VPS13C: variants seen among roughly 807,000 people sequenced by gnomAD.
VPS13C encodes the protein vacuolar protein sorting 13 homolog C.
A neutral mutation model predicts 456.8 loss-of-function variants in VPS13C; 358 were observed. That is an observed-to-expected ratio of 0.78 (90% CI 0.72 to 0.86). The LOEUF (loss-of-function observed/expected upper bound fraction) is 0.86. VPS13C is among the 40% of genes least tolerant of loss of function. The pLI, the probability that VPS13C is intolerant of heterozygous loss-of-function variation, is 0.00. For missense variants in VPS13C, 4,818 were observed against 4,385.4 expected, an observed-to-expected ratio of 1.10 and a Z score of -2.79; for synonymous variants, 1,578 against 1,486.7, an observed-to-expected ratio of 1.06 and a Z score of -1.41.
chr15:61,998,307 T>C (rs12899197), intron 16 of VPS13C, among the ~76,000 whole-genome samples: 1 of 152,210 alleles, frequency 6.6e-6, no homozygotes, highest in African/African-American at 2.4e-5. Context: ...CTAGCTTCAG[T>C]GCTCCTTATA....
Position 61,907,385 on chromosome 15 carries a change from G to A in VPS13C, c.8984C>T (p.Ser2995Leu). ...WDILTYKQSG[S>L]PEEMVLLPRQ... ...TGGCAGCAAGACCATTTCTTCTGGT[G>A]ACCCACTAAAACACAATGAACAGAG... Residue 2995 changes from serine to leucine, a missense_variant, in exon 66 of 85, where the codon TCA becomes TTA. Around this residue, in one of 3 missense-constraint regions of VPS13C, gnomAD observed 4,552 missense variants for 4,130.6 expected, o/e 1.10. Transcript: ENST00000644861. 6.2e-7 allele frequency: 1 copy of A among 1,613,686 alleles called. No individual in the cohort carries two copies. Among genetic ancestry groups the A allele is most frequent in the Non-Finnish European group, 8.5e-7 (1 of 1,179,752 alleles).
At chr15:61,950,672 C>T (rs1407217403) in intron 40 of VPS13C, among the ~76,000 whole-genome samples, 1 of 151,578 alleles carries the variant, frequency 6.6e-6, no homozygotes, top group South Asian at 2.1e-4. Flanking sequence ...AGATTAGGTA[C>T]ACTAATCTAA....
intron 7 of VPS13C, 84 bp downstream of exon 7, chr15:62,023,696 C>A: frequency 7.4e-7 from 1 of 1,347,356 alleles, no homozygotes; most frequent in Non-Finnish European, 1.0e-6. Context: ...ATACTGTTAT[C>A]TGACATTCAT....
At chr15:62,055,776 C>T (rs2048772960) in intron 1 of VPS13C, among the ~76,000 whole-genome samples, 1 of 152,170 alleles carries the variant, frequency 6.6e-6, no homozygotes, top group African/African-American at 2.4e-5. Flanking sequence ...TCTACTTCTT[C>T]CGTGTCCTTT....
rs79267487 is a variant in VPS13C, at chr15:61,865,640, G to T, written c.10864-2112C>A. ...TGTATGTGTACATATGGGTATATTTGTATGTGTGTATATATATGTATGTGT... is the reference window on the plus strand; with the variant it reads ...TGTATGTGTACATATGGGTATATTTTTATGTGTGTATATATATGTATGTGT... On this transcript the variant is annotated intron_variant, in intron 81 of 84. Transcript: ENST00000644861. The T allele has an allele frequency of 9.3e-3, 3,719 of 400,948 alleles. 25 individuals carry two copies. The highest frequency in any genetic ancestry group is 0.011 in the Non-Finnish European group (3,393 of 296,556). The allele number at this position is 400,948 out of a possible 1,614,324, so 24.8% of individuals were successfully genotyped here.
intron 17 of VPS13C, 125 bp from the exon 18 acceptor site, chr15:61,991,219 G>C: frequency 1.4e-6 from 1 of 697,934 alleles, no homozygotes; most frequent in South Asian, 1.9e-5. Flanking sequence ...AATTAGCCAG[G>C]TAATATCCTC....
chr15:61,976,549 T>TG (rs2045708330), intron 24 of VPS13C, among the ~76,000 whole-genome samples: 1 of 151,868 alleles, frequency 6.6e-6, no homozygotes, highest in Admixed American at 6.6e-5. Context: ...CTTTTGGAGA[T>TG]GGTGTGTTCA....
intron 18 of VPS13C, among the ~76,000 whole-genome samples, chr15:61,988,336 T>G (rs1596434003): frequency 6.6e-6 from 1 of 152,176 alleles, no homozygotes; most frequent in Non-Finnish European, 1.5e-5. Flanking sequence ...TCTGTGCACT[T>G]TATTGTATGT....
chr15:61,991,885 G>C, intron 16 of VPS13C, 83 bp from the exon 17 acceptor site: 6 of 1,415,976 alleles, frequency 4.2e-6, no homozygotes, highest in Non-Finnish European at 5.7e-6. Flanking sequence ...AAAAACAATG[G>C]TTCTTTTTTT....
In VPS13C at chr15:61,961,900, A is replaced by G; in HGVS notation, c.3604-7T>C. 2 of 1,601,004 alleles carry G rather than the reference A, an allele frequency of 1.2e-6. No individual in the cohort carries two copies. The highest frequency in any genetic ancestry group is 1.7e-6 in the Non-Finnish European group (2 of 1,174,744). The stretch of plus-strand genomic sequence containing the variant: ...GGAAATTATTCAGGAAGTTCTGTGG[A>G]CACAAAGCATAAAAAGAGAAATTCA... On this transcript the variant is annotated splice_polypyrimidine_tract_variant and splice_region_variant and intron_variant, in intron 34 of 84. Transcript: ENST00000644861.
chr15:61,920,674 T>C (rs1244262920), intron 55 of VPS13C, 27 bp from the exon 56 acceptor site: 4 of 1,547,754 alleles, frequency 2.6e-6, no homozygotes, highest in Non-Finnish European at 3.5e-6. Flanking sequence ...CACAGCAAAT[T>C]TAAATTATTA....
At position 62,023,923 on chromosome 15, in the gene VPS13C, G is replaced by C. The variant is rs1299026785; in HGVS notation, c.449-78C>G. 1.5e-5 allele frequency: 21 copies of C among 1,363,230 alleles called. No homozygotes were observed. In the Admixed American group the frequency reaches 4.0e-4, roughly 26 times the overall value. 84.4% of individuals were successfully genotyped at this position (1,363,230 alleles called of 1,614,324 possible). The stretch of plus-strand genomic sequence containing the variant: ...CTACAGGACAGAAAAGAAAACAAGA[G>C]AATTTTTCCTAACAGCAAATTTTGG... On this transcript the variant is annotated intron_variant, in intron 6 of 84. Coordinates refer to ENST00000644861, the MANE Select transcript of VPS13C (RefSeq NM_020821.3).
At chr15:61,893,310 G>A (rs2042707706) in intron 66 of VPS13C, among the ~76,000 whole-genome samples, 1 of 152,158 alleles carries the variant, frequency 6.6e-6, no homozygotes, top group Non-Finnish European at 1.5e-5. Context: ...TGCCCTGCAG[G>A]AGGCAGTGGG....
Position 61,958,594 on chromosome 15 carries a change from T to C in VPS13C, c.4165+14A>G, listed in dbSNP as rs762617974. ...GACACATATGTATATTGCCACTTAC[T>C]GTCAGCCTCTTACCTGTCTCTTGTA... is the stretch of plus-strand genomic sequence containing the variant. On this transcript the variant is annotated intron_variant, in intron 37 of 84. Transcript: ENST00000644861. 3.5e-6 allele frequency: 5 copies of C among 1,423,968 alleles called. No homozygotes were observed. Among genetic ancestry groups the C allele is most frequent in the Non-Finnish European group, 4.8e-6 (5 of 1,033,276 alleles). The allele number at this position is 1,423,968 out of a possible 1,614,324, so 88.2% of individuals were successfully genotyped here.
At chr15:61,913,229 C>T in intron 62 of VPS13C, 82 bp downstream of exon 62, 1 of 1,230,746 alleles carries the variant, frequency 8.1e-7, no homozygotes, top group Non-Finnish European at 1.2e-6. Context: ...GACACATGCA[C>T]ACATATGTTT....
At chr15:61,922,063 A>C in intron 54 of VPS13C, 30 bp from the exon 55 acceptor site, 1 of 1,603,638 alleles carries the variant, frequency 6.2e-7, no homozygotes, top group African/African-American at 1.3e-5. Context: ...ATTATAAGAC[A>C]GTCCTTTGGC....
At chr15:61,983,634 G>T in intron 20 of VPS13C, 186 bp downstream of exon 20, 1 of 576,472 alleles carries the variant, frequency 1.7e-6, no homozygotes, top group Non-Finnish European at 2.9e-6. Flanking sequence ...AGGGAAAAAT[G>T]TATTGCATAT....
intron 30 of VPS13C, 57 bp from the exon 31 acceptor site, chr15:61,964,918 TCCA>T: frequency 2.0e-6 from 3 of 1,496,874 alleles, no homozygotes; most frequent in Non-Finnish European, 2.7e-6. Context: ...ACCTGTAGTC[TCCA>T]CGACAGACCC....
At chr15:61,959,928 G>A (rs915410522) in intron 35 of VPS13C, among the ~76,000 whole-genome samples, 6 of 152,290 alleles carry the variant, frequency 3.9e-5, no homozygotes, top group Non-Finnish European at 7.4e-5. Flanking sequence ...GTATGTTGGT[G>A]CAGAGACTGA....
Sources: gnomAD v4.1 joint callset for allele counts (sites outside exome capture counted in the v4.1 genomes callset) on GRCh38, gnomAD v4.1.1 for gene constraint, gnomAD v4.1.1 regional missense constraint, MANE v1.5 for transcripts, NCBI Gene and HGNC (gene_info 2026-07-23, HGNC 2026-07-21) for gene names.